F13A1: variants seen among roughly 807,000 people sequenced by gnomAD.
The protein encoded by F13A1 is coagulation factor XIII A chain.
F13A1 carries 47 observed loss-of-function variants against 80.1 expected under a neutral mutation model. The ratio of observed to expected loss-of-function variants is 0.59; its 90% CI spans 0.46 to 0.75. The LOEUF (loss-of-function observed/expected upper bound fraction) is 0.75, where lower values mean the gene tolerates loss of function less well. Among genes scored for constraint, F13A1 ranks in the 30% least tolerant of loss-of-function variants. F13A1 has a pLI of 0.00. For synonymous variants in F13A1, 349 were observed against 344.9 expected (o/e 1.01, Z -0.13); for missense variants, 817 against 930.4 (o/e 0.88, Z 1.59).
At position 6,316,118 on chromosome 6, in the gene F13A1, T is replaced by C. The variant is rs1238535274; in HGVS notation, c.130+2417A>G. ...ATATATATATATATATATATATATA[T>C]ATATATATATATATATATATATATA... On this transcript the variant is annotated intron_variant, in intron 2 of 14. Transcript: ENST00000264870. 1.1e-3 allele frequency among the ~76,000 whole-genome samples: 74 copies of C among 64,932 alleles called. 7 individuals are homozygous for C. Among genetic ancestry groups the C allele is most frequent in the African/African-American group, 4.3e-3 (66 of 15,322 alleles). 42.6% of individuals were successfully genotyped at this position (64,932 alleles called of 152,430 possible).
intron 3 of F13A1, among the ~76,000 whole-genome samples, chr6:6,283,691 G>A (rs535878877): frequency 1.3e-4 from 20 of 151,138 alleles, no homozygotes; most frequent in African/African-American, 4.1e-4. Flanking sequence ...TTCCATCAGC[G>A]ATGTAGGTTT....
chr6:6,190,959 A>G (rs1488161096), intron 10 of F13A1, among the ~76,000 whole-genome samples: 2 of 152,136 alleles, frequency 1.3e-5, no homozygotes. Context: ...GGAAAAGCGC[A>G]GTATTTGGGT....
chr6:6,294,573 AAC>A (rs574168007), intron 3 of F13A1, among the ~76,000 whole-genome samples: 5 of 151,002 alleles, frequency 3.3e-5, no homozygotes, highest in African/African-American at 7.3e-5. Flanking sequence ...TATATGTACA[AAC>A]ACACACACAC....
At chr6:6,233,960 A>ACC (rs1757384366) in intron 6 of F13A1, among the ~76,000 whole-genome samples, 1 of 152,088 alleles carries the variant, frequency 6.6e-6, no homozygotes, top group South Asian at 2.1e-4. Flanking sequence ...AATGTAATAA[A>ACC]AGCCATCTAT....
chr6:6,203,923 T>C (rs1394499507), intron 8 of F13A1, among the ~76,000 whole-genome samples: 5 of 152,228 alleles, frequency 3.3e-5, no homozygotes, highest in Non-Finnish European at 7.3e-5. Context: ...AAACATGTAT[T>C]AGGTTCCCTC....
chr6:6,307,151 C>A (rs1011284839), intron 2 of F13A1, among the ~76,000 whole-genome samples: 6 of 152,150 alleles, frequency 3.9e-5, no homozygotes, highest in Non-Finnish European at 4.4e-5. Flanking sequence ...GGCACTATGC[C>A]TGGCACATAG....
chr6:6,253,142 CAA>C (rs397886568), intron 4 of F13A1, among the ~76,000 whole-genome samples: 8 of 73,988 alleles, frequency 1.1e-4, no homozygotes, highest in Admixed American at 1.9e-4. Flanking sequence ...GAATCTGTCC[CAA>C]AAAAAAAAAA....
Position 6,313,280 on chromosome 6 carries a change from C to CTTTTTTTTTTTTTTTTTTTTTTTTTTTT in F13A1, c.130+5254_130+5255insAAAAAAAAAAAAAAAAAAAAAAAAAAAA, listed in dbSNP as rs5874027. On this transcript the variant is annotated intron_variant, in intron 2 of 14. Transcript: ENST00000264870. ...ATGGAACAGCTCATTGCTAAGCCGC[C>CTTTTTTTTTTTTTTTTTTTTTTTTTTTT]TTTTTTTTTTTTTTTTTTTTAAATA... is the stretch of plus-strand genomic sequence containing the variant. Among the ~76,000 whole-genome samples the CTTTTTTTTTTTTTTTTTTTTTTTTTTTT allele has an allele frequency of 7.1e-5, 9 of 126,746 alleles. 1 individual carries two copies. The highest frequency in any genetic ancestry group is 2.7e-4 in the African/African-American group (9 of 32,952). 83.2% of individuals were successfully genotyped at this position (126,746 alleles called of 152,430 possible). A position where few individuals can be genotyped will look rare whatever the true frequency, so the allele number is the denominator to read the frequency against.
chr6:6,192,980 G>A (rs934569589), intron 10 of F13A1, among the ~76,000 whole-genome samples: 4 of 152,162 alleles, frequency 2.6e-5, no homozygotes, highest in Non-Finnish European at 5.9e-5. Flanking sequence ...GACTCCAGAC[G>A]CTTAGAACAG....
intron 10 of F13A1, among the ~76,000 whole-genome samples, chr6:6,185,881 C>A (rs1388188943): frequency 6.6e-6 from 1 of 151,210 alleles, no homozygotes; most frequent in Non-Finnish European, 1.5e-5. Context: ...TCTCCAGCAC[C>A]TGTTGTTTCC....
At chr6:6,160,034 T>A (rs1283735554) in intron 13 of F13A1, among the ~76,000 whole-genome samples, 3 of 151,870 alleles carry the variant, frequency 2.0e-5, no homozygotes, top group African/African-American at 7.3e-5. Flanking sequence ...CCCAGCACTT[T>A]GGGAGGCCAA....
At chr6:6,303,013 T>C (rs3024346) in intron 3 of F13A1, among the ~76,000 whole-genome samples, 9,632 of 152,306 alleles carry the variant, frequency 0.063, 317 homozygotes, top group Middle Eastern at 0.12. Context: ...TTCTTCCAGT[T>C]GGAGAGTCAG....
intron 4 of F13A1, among the ~76,000 whole-genome samples, chr6:6,259,819 A>G (rs919009891): frequency 2.0e-4 from 30 of 152,232 alleles, no homozygotes; most frequent in African/African-American, 7.2e-4. Context: ...CAACTTATCA[A>G]GAGGAGAAAG....
chr6:6,304,860 C>CAA lies in F13A1; in HGVS notation c.319+489_319+490dup, dbSNP rs10719492. 5.0e-3 allele frequency among the ~76,000 whole-genome samples: 517 copies of CAA among 103,188 alleles called. 3 individuals are homozygous for CAA. Among genetic ancestry groups the CAA allele is most frequent in the Non-Finnish European group, 6.3e-3 (333 of 52,922 alleles). 67.7% of individuals were successfully genotyped at this position (103,188 alleles called of 152,430 possible). ...TGGGCAACAGAGCAAGACTCTGTCT[C>CAA]AAAAAAAAAAAAAAAAAAAAGGGTG... On this transcript the variant is annotated intron_variant, in intron 3 of 14. Coordinates refer to ENST00000264870, the MANE Select transcript of F13A1 (RefSeq NM_000129.4).
chr6:6,167,317 G>T, intron 13 of F13A1, 141 bp downstream of exon 13: 2 of 956,170 alleles, frequency 2.1e-6, no homozygotes, highest in Non-Finnish European at 3.2e-6. Flanking sequence ...GAGGATCCTA[G>T]CACTGGTATT....
At chr6:6,168,477 A>C (rs535876284) in intron 12 of F13A1, among the ~76,000 whole-genome samples, 1 of 152,308 alleles carries the variant, frequency 6.6e-6, no homozygotes, top group African/African-American at 2.4e-5. Flanking sequence ...GGCTGAGCCC[A>C]GGTGTGCACC....
At chr6:6,158,526 G>A (rs753090635) in intron 13 of F13A1, among the ~76,000 whole-genome samples, 12 of 152,120 alleles carry the variant, frequency 7.9e-5, no homozygotes, top group Non-Finnish European at 1.8e-4. Flanking sequence ...ACGTGGATTC[G>A]GTTTCTCAGG....
At chr6:6,288,627 C>A (rs1250878175) in intron 3 of F13A1, among the ~76,000 whole-genome samples, 1 of 152,184 alleles carries the variant, frequency 6.6e-6, no homozygotes, top group African/African-American at 2.4e-5. Context: ...AGACTACATA[C>A]ATCTTTTCAA....
At chr6:6,268,966 C>T (rs1757882671) in intron 3 of F13A1, among the ~76,000 whole-genome samples, 1 of 151,918 alleles carries the variant, frequency 6.6e-6, no homozygotes, top group African/African-American at 2.4e-5. Context: ...ACTGGGATTA[C>T]AGGTGTGAGC....
Sources: gnomAD v4.1 joint callset for allele counts (sites outside exome capture counted in the v4.1 genomes callset) on GRCh38, gnomAD v4.1.1 for gene constraint, MANE v1.5 for transcripts, NCBI Gene and HGNC (gene_info 2026-07-23, HGNC 2026-07-21) for gene names.